Variants in ATG4A observed in about 807,000 individuals in gnomAD.
ATG4A encodes cysteine protease ATG4A.
A neutral mutation model predicts 38.4 loss-of-function variants in ATG4A; 22 were observed. The ratio of observed to expected loss-of-function variants is 0.57; its 90% CI spans 0.41 to 0.82. ATG4A has a LOEUF of 0.82. ATG4A is among the 40% of genes least tolerant of loss of function. The pLI is 0.00. For missense variants in ATG4A, 220 were observed against 290.0 expected (o/e 0.76, Z 1.75); for synonymous variants, 86 against 100.7 (o/e 0.85, Z 0.88).
intron 1 of ATG4A, among the ~76,000 whole-genome samples, chrX:108,123,037 G>A (rs1052646776): frequency 2.7e-5 from 3 of 112,057 alleles, no homozygotes; most frequent in Admixed American, 9.5e-5. Flanking sequence ...GCCCCAACAT[G>A]TACACAGAGT....
chrX:108,135,615 G>A (rs754089092), intron 6 of ATG4A, among the ~76,000 whole-genome samples: 1 of 111,590 alleles, frequency 9.0e-6, no homozygotes, highest in Admixed American at 9.5e-5. Flanking sequence ...TGAAAATCTG[G>A]TAGGATTTCA....
At chrX:108,098,045 T>G (rs914896603) in intron 1 of ATG4A, among the ~76,000 whole-genome samples, 1 of 111,877 alleles carries the variant, frequency 8.9e-6, no homozygotes, top group Non-Finnish European at 1.9e-5. Context: ...ATGTGCCATG[T>G]GGGTTTGCTG....
intron 1 of ATG4A, among the ~76,000 whole-genome samples, chrX:108,124,547 G>C (rs559706410): frequency 1.8e-5 from 2 of 109,839 alleles, no homozygotes; most frequent in African/African-American, 6.6e-5. Flanking sequence ...GGCCTCCTGG[G>C]TTCAAGCGAC....
At chrX:108,139,858 C>A (rs2033191495) in intron 9 of ATG4A, among the ~76,000 whole-genome samples, 1 of 111,463 alleles carries the variant, frequency 9.0e-6, no homozygotes, top group Non-Finnish European at 1.9e-5. Context: ...CTTCCAGGTT[C>A]ATAGATGGCT....
At chrX:108,101,076 A>G (rs1467584990) in intron 1 of ATG4A, among the ~76,000 whole-genome samples, 1 of 110,533 alleles carries the variant, frequency 9.0e-6, no homozygotes, top group African/African-American at 3.3e-5. Context: ...TATATGTTCA[A>G]TTTTCTTAAT....
chrX:108,104,950 G>A (rs2032128157), intron 1 of ATG4A, among the ~76,000 whole-genome samples: 1 of 100,771 alleles, frequency 9.9e-6, no homozygotes, highest in South Asian at 4.4e-4. Context: ...CAGTTCAGCT[G>A]TTATATTCTT....
chrX:108,138,166 C>T lies in ATG4A; in HGVS notation c.789C>T (p.Asn263=), dbSNP rs955347215. The T allele has an allele frequency of 1.2e-5, 14 of 1,207,465 alleles. No individual in the cohort carries two copies. Among genetic ancestry groups the T allele is most frequent in the Admixed American group, 4.4e-5 (2 of 45,649 alleles). Residue 263 remains asparagine (N), a synonymous_variant, in exon 9 of 13, where the codon AAC becomes AAT. Coordinates refer to ENST00000372232, the MANE Select transcript of ATG4A (RefSeq NM_052936.5). ...SLGALGGKPN[N]AYYFIGFLGD... Reference sequence around the variant, plus strand: ...GGGCATTAGGAGGAAAACCAAATAACGCGTATTATTTCATAGGATTCTTAG... The same window carrying T: ...GGGCATTAGGAGGAAAACCAAATAATGCGTATTATTTCATAGGATTCTTAG...
At chrX:108,136,386 T>G (rs984921070) in intron 6 of ATG4A, among the ~76,000 whole-genome samples, 12 of 111,248 alleles carry the variant, frequency 1.1e-4, no homozygotes, top group African/African-American at 3.9e-4. Flanking sequence ...GGCAGGGTAC[T>G]TTACATAGAC....
chrX:108,145,334 G>A (rs2033397383), intron 9 of ATG4A, among the ~76,000 whole-genome samples: 1 of 112,630 alleles, frequency 8.9e-6, no homozygotes, highest in South Asian at 3.6e-4. Flanking sequence ...AGGTAGGACA[G>A]TAAAGATATA....
chrX:108,140,982 A>T (rs1205364075), intron 9 of ATG4A, among the ~76,000 whole-genome samples: 5 of 88,846 alleles, frequency 5.6e-5, no homozygotes, highest in Non-Finnish European at 8.4e-5. Context: ...ATACACATAT[A>T]TATACGTATA....
chrX:108,120,546 A>C (rs1446379467), intron 1 of ATG4A, among the ~76,000 whole-genome samples: 2 of 112,605 alleles, frequency 1.8e-5, no homozygotes, highest in East Asian at 5.5e-4. Flanking sequence ...TAAGATTTTC[A>C]AAAGCCTCAC....
At chrX:108,142,470 A>AAT (rs779625249) in intron 9 of ATG4A, among the ~76,000 whole-genome samples, 1 of 109,536 alleles carries the variant, frequency 9.1e-6, no homozygotes, top group Non-Finnish European at 1.9e-5. Flanking sequence ...TATATGTGTG[A>AAT]ATATATATAT....
chrX:108,091,356 G>A, upstream of ATG4A: 1 of 1,136,933 alleles, frequency 8.8e-7, no homozygotes, highest in Non-Finnish European at 1.2e-6. Context: ...CGAAAGCCAC[G>A]TAGGGCTTCG....
At chrX:108,101,792 A>T (rs1257633503) in intron 1 of ATG4A, among the ~76,000 whole-genome samples, 1 of 108,720 alleles carries the variant, frequency 9.2e-6, no homozygotes, top group African/African-American at 3.3e-5. Flanking sequence ...GTTTCTATGA[A>T]CATAACTAAT....
chrX:108,136,380 G>A (rs751537723), intron 6 of ATG4A, among the ~76,000 whole-genome samples: 239 of 111,269 alleles, frequency 2.1e-3, no homozygotes, highest in African/African-American at 7.6e-3. Flanking sequence ...GAAATAGGCA[G>A]GGTACTTTAC....
chrX:108,145,784 T>C (rs1161150193), intron 9 of ATG4A, among the ~76,000 whole-genome samples: 1 of 112,331 alleles, frequency 8.9e-6, no homozygotes, highest in African/African-American at 3.2e-5. Flanking sequence ...GGAGCCAATG[T>C]AGGGGTTCTA....
chrX:108,131,363 G>A lies in ATG4A; in HGVS notation c.292+5G>A, dbSNP rs2032948459. 8.3e-7 allele frequency: 1 copy of A among 1,203,990 alleles called. No homozygotes were observed. Among genetic ancestry groups the A allele is most frequent in the Non-Finnish European group, 1.1e-6 (1 of 890,254 alleles). The stretch of plus-strand genomic sequence containing the variant: ...TCTGTAGACACTTGGGAAGGGGTGA[G>A]TTAAATTTGTTTTATAAACTTTCTC... On this transcript the variant is annotated splice_donor_5th_base_variant and intron_variant, in intron 4 of 12. Coordinates refer to ENST00000372232, the MANE Select transcript of ATG4A (RefSeq NM_052936.5).
upstream of ATG4A, chrX:108,091,729 G>GC: frequency 9.0e-7 from 1 of 1,106,084 alleles, no homozygotes; most frequent in East Asian, 3.0e-5. Flanking sequence ...CACAGACTTG[G>GC]CCCCTAGCAG....
chrX:108,127,090 C>G (rs909470034), intron 2 of ATG4A: 23 of 151,710 alleles, frequency 1.5e-4, no homozygotes, highest in African/African-American at 9.3e-5. Flanking sequence ...ACTCTTCTAA[C>G]TCAGGTAAGT....
Sources: allele counts gnomAD v4.1 joint callset (sites outside exome capture counted in the v4.1 genomes callset), GRCh38; gene constraint gnomAD v4.1.1; transcripts MANE v1.5; gene names NCBI Gene and HGNC (gene_info 2026-07-23, HGNC 2026-07-21).